Variants in CEACAM1 observed in about 807,000 individuals in gnomAD.
CEACAM1 encodes CEA cell adhesion molecule 1.
Under a neutral mutation model 49.1 loss-of-function variants are expected in CEACAM1, and 31 were observed. The observed-to-expected ratio is 0.63, with a 90% CI of 0.47 to 0.85. The LOEUF is 0.85. CEACAM1 is among the 40% of genes least tolerant of loss of function. The pLI, the probability that CEACAM1 is intolerant of heterozygous loss-of-function variation, is 0.00. For missense variants in CEACAM1, 570 were observed against 645.3 expected, an observed-to-expected ratio of 0.88 and a Z score of 1.26; for synonymous variants, 244 against 247.8, an observed-to-expected ratio of 0.98 and a Z score of 0.14.
intron 1 of CEACAM1, chr19:42,527,676 A>C: frequency 2.6e-6 from 1 of 388,928 alleles, no homozygotes. Flanking sequence ...TCTTGATCAC[A>C]TCAGGGTGCT....
chr19:42,511,278 C>G, intron 7 of CEACAM1: 1 of 568,850 alleles, frequency 1.8e-6, no homozygotes, highest in Middle Eastern at 4.7e-4. Flanking sequence ...TGCCCACATC[C>G]GTAATAGAGG....
At chr19:42,525,170 C>T (rs902822459) in intron 2 of CEACAM1, among the ~76,000 whole-genome samples, 9 of 150,912 alleles carry the variant, frequency 6.0e-5, no homozygotes, top group African/African-American at 2.0e-4. Flanking sequence ...TCAGGAAACA[C>T]AGGATTTCAA....
At chr19:42,526,265 A>G (rs1266830748) in intron 2 of CEACAM1, among the ~76,000 whole-genome samples, 2 of 151,958 alleles carry the variant, frequency 1.3e-5, no homozygotes, top group South Asian at 2.1e-4. Flanking sequence ...CGCAGCATCT[A>G]TTGTTGTTGG....
intron 5 of CEACAM1, among the ~76,000 whole-genome samples, chr19:42,516,158 A>T (rs1430127026): frequency 6.6e-6 from 1 of 152,198 alleles, no homozygotes; most frequent in Non-Finnish European, 1.5e-5. Context: ...TATTCAATGT[A>T]GTATTGGAAG....
chr19:42,527,448 G>T (rs2041920245), intron 1 of CEACAM1, 48 bp from the exon 2 acceptor site: 4 of 1,538,104 alleles, frequency 2.6e-6, no homozygotes, highest in East Asian at 4.5e-5. Context: ...CTATGCATTA[G>T]GGTAGAAAAA....
chr19:42,507,651 C>T lies in CEACAM1; in HGVS notation c.*1458G>A, dbSNP rs1332533287. 3 of 152,198 alleles carry T rather than the reference C, an allele frequency of 2.0e-5. No homozygotes were observed. Among genetic ancestry groups the T allele is most frequent in the African/African-American group, 4.8e-5 (2 of 41,440 alleles). 9.4% of individuals were successfully genotyped at this position (152,198 alleles called of 1,614,324 possible). On this transcript the variant is annotated 3_prime_UTR_variant, in exon 9 of 9. Coordinates refer to ENST00000161559, the MANE Select transcript of CEACAM1 (RefSeq NM_001712.5). ...TGTCCTTCCTTTTTATTATAAGATACATTTATAGACCCCATAGAAGAAAAG... is the reference window on the plus strand; with the variant it reads ...TGTCCTTCCTTTTTATTATAAGATATATTTATAGACCCCATAGAAGAAAAG...
Position 42,509,030 on chromosome 19 carries a change from A to G in CEACAM1, c.*79T>C, listed in dbSNP as rs949939746. 2 of 1,568,466 alleles carry G rather than the reference A, an allele frequency of 1.3e-6. No homozygotes were observed. The highest frequency in any genetic ancestry group is 1.8e-4 in the Middle Eastern group (1 of 5,452). On this transcript the variant is annotated 3_prime_UTR_variant, in exon 9 of 9. Coordinates refer to ENST00000161559, the MANE Select transcript of CEACAM1 (RefSeq NM_001712.5). ...TTTCTGTCCCCACCCCTCTACCCCT[A>G]CAGGGGAAAGGAATCTCCTAGTGAT...
chr19:42,526,669 A>C (rs1185249304), intron 2 of CEACAM1, among the ~76,000 whole-genome samples: 2 of 152,156 alleles, frequency 1.3e-5, no homozygotes, highest in Admixed American at 6.5e-5. Flanking sequence ...GGGGATTCCC[A>C]GGGCTGAGCT....
intron 5 of CEACAM1, among the ~76,000 whole-genome samples, chr19:42,514,449 A>T (rs1248967289): frequency 2.0e-5 from 3 of 152,100 alleles, no homozygotes; most frequent in South Asian, 2.1e-4. Flanking sequence ...AATTAAAAAA[A>T]AATAATTTTT....
chr19:42,509,198 A>G lies in CEACAM1; in HGVS notation c.1492T>C (p.Phe498Leu). The change falls in exon 9 of 9, where the codon TTT becomes CTT. Residue 498 changes from phenylalanine to leucine, a missense_variant. Transcript: ENST00000161559. Reference sequence around the variant, plus strand: ...GGTTGTGTGGGTTGCTGGGCTTCAAAGTTCAGGGTAGAATAAGTAACTTCA... The same window carrying G: ...GGTTGTGTGGGTTGCTGGGCTTCAAGGTTCAGGGTAGAATAAGTAACTTCA... ...MNEVTYSTLN[F>L]EAQQPTQPTS... The G allele has an allele frequency of 6.2e-7, 1 of 1,613,126 alleles. No individual in the cohort carries two copies. Among genetic ancestry groups the G allele is most frequent in the Non-Finnish European group, 8.5e-7 (1 of 1,179,444 alleles).
intron 2 of CEACAM1, among the ~76,000 whole-genome samples, chr19:42,524,940 A>G (rs1367330446): frequency 6.6e-6 from 1 of 152,136 alleles, no homozygotes; most frequent in Non-Finnish European, 1.5e-5. Context: ...CATGGGTCTC[A>G]GTCTCTGGAG....
chr19:42,511,297 G>A (rs991211529), intron 7 of CEACAM1: 5 of 575,090 alleles, frequency 8.7e-6, no homozygotes, highest in South Asian at 4.4e-5. Context: ...GGCAGGAGGC[G>A]GAAGGAGTAA....
chr19:42,520,122 C>T (rs958233438), intron 4 of CEACAM1, among the ~76,000 whole-genome samples: 5 of 152,178 alleles, frequency 3.3e-5, no homozygotes, highest in African/African-American at 1.2e-4. Context: ...ACAGTGTTAA[C>T]AAAAGGCTGA....
At chr19:42,527,774 TTGTCA>T in intron 1 of CEACAM1, 1 of 215,236 alleles carries the variant, frequency 4.6e-6, no homozygotes. Context: ...TCCAGGGCTC[TTGTCA>T]ACACCTGACC....
In CEACAM1 at chr19:42,522,038, T is replaced by G. The variant is rs2041763273; in HGVS notation, c.589A>C (p.Asn197His). Residue 197 changes from asparagine (N) to histidine (H), a missense_variant, in exon 3 of 9, where the codon AAC becomes CAC. By Grantham distance (68) the Asn-to-His change is moderately conservative (BLOSUM62 1). Transcript: ENST00000161559. ...ACACTGAGTAGAGTGAGGGTCCTGT[T>G]GCCATTGGACAGCTGCAGCCTGGGA... ...VSPRLQLSNG[N>H]RTLTLLSVTR... 3 of 1,614,072 alleles carry G rather than the reference T, an allele frequency of 1.9e-6. No individual in the cohort carries two copies. The highest frequency in any genetic ancestry group is 2.5e-6 in the Non-Finnish European group (3 of 1,180,034).
chr19:42,511,907 C>CT (rs202176004), intron 6 of CEACAM1, among the ~76,000 whole-genome samples: 17,031 of 146,370 alleles, frequency 0.12, 1,066 homozygotes, highest in Middle Eastern at 0.21. Context: ...GGGGTAGATA[C>CT]TTTTTTTTTT....
At chr19:42,510,783 G>A in intron 8 of CEACAM1, 106 bp downstream of exon 8, 1 of 1,033,276 alleles carries the variant, frequency 9.7e-7, no homozygotes, top group Admixed American at 1.7e-5. Context: ...TTGCACTGAG[G>A]AACATTAACC....
rs1224674570 is a variant in CEACAM1 at position 42,508,447 on chromosome 19, T to A, written c.*662A>T. Reference sequence around the variant, plus strand: ...CTTGGATTTTGGCAAGTGATTTTCCTAGTTGCTTCTAGTGGGTTCTCTGAA... The same window carrying A: ...CTTGGATTTTGGCAAGTGATTTTCCAAGTTGCTTCTAGTGGGTTCTCTGAA... On this transcript the variant is annotated 3_prime_UTR_variant, in exon 9 of 9. Coordinates refer to ENST00000161559, the MANE Select transcript of CEACAM1 (RefSeq NM_001712.5). 6.6e-6 allele frequency: 1 copy of A among 152,414 alleles called. No homozygotes were observed. Among genetic ancestry groups the A allele is most frequent in the African/African-American group, 2.4e-5 (1 of 41,464 alleles). The allele number at this position is 152,414 out of a possible 1,614,324, so 9.4% of individuals were successfully genotyped here. A position where few individuals can be genotyped will look rare whatever the true frequency, so the allele number is the denominator to read the frequency against.
intron 8 of CEACAM1, 85 bp downstream of exon 8, chr19:42,510,804 G>A: frequency 7.8e-7 from 1 of 1,277,656 alleles, no homozygotes. Context: ...CAAACTTGAT[G>A]TTACATTGTG....
Sources: allele counts gnomAD v4.1 joint callset (sites outside exome capture counted in the v4.1 genomes callset), GRCh38; gene constraint gnomAD v4.1.1; transcripts MANE v1.5; gene names NCBI Gene and HGNC (gene_info 2026-07-23, HGNC 2026-07-21).